NBAS: variants seen among roughly 807,000 people sequenced by gnomAD.
The protein encoded by NBAS is NBAS subunit of NRZ tethering complex.
A neutral mutation model predicts 302.5 loss-of-function variants in NBAS; 219 were observed. That is an observed-to-expected ratio of 0.72 (90% CI 0.65 to 0.81). The LOEUF is 0.81. Ranked by LOEUF, NBAS falls within the 30% of genes least tolerant of loss-of-function variation. The probability of loss-of-function intolerance (pLI) is 0.00; values close to 1 mark genes in which losing one functional copy is unlikely to be tolerated. For synonymous variants in NBAS, 1,118 were observed against 1,021.6 expected, an observed-to-expected ratio of 1.09 and a Z score of -1.80; for missense variants, 2,932 against 2,841.6, an observed-to-expected ratio of 1.03 and a Z score of -0.72.
intron 9 of NBAS, among the ~76,000 whole-genome samples, chr2:15,533,009 T>C (rs1448155492): frequency 1.3e-5 from 2 of 152,122 alleles, no homozygotes; most frequent in South Asian, 2.1e-4. Flanking sequence ...CGATAACATA[T>C]GAAAAGCTAC....
At chr2:15,097,135 A>G in the NBAS span, among the ~76,000 whole-genome samples, 16 of 152,260 alleles carry the variant, frequency 1.1e-4, no homozygotes, top group South Asian at 3.3e-3. Flanking sequence ...TGAGGTATTT[A>G]TGTAGCACCT....
intron 9 of NBAS, among the ~76,000 whole-genome samples, chr2:15,528,885 A>ATATATATATGCGTG (rs377463380): frequency 8.1e-6 from 1 of 123,212 alleles, no homozygotes; most frequent in Middle Eastern, 4.1e-3. Flanking sequence ...AAAAATATAT[A>ATATATATATGCGTG]TATATATATA....
Position 15,238,457 on chromosome 2 carries a change from CATTTCTT to C in NBAS, c.5943+4_5943+10del. On this transcript the variant is annotated splice_donor_5th_base_variant and intron_variant, in intron 45 of 51. Coordinates refer to ENST00000281513, the MANE Select transcript of NBAS (RefSeq NM_015909.4). ...TACAGAGTGAGCATATAGAAGTTCCCATTTCTTTACCTGCTCACTATTCTTCAGAGAA... is the reference window on the plus strand; with the variant it reads ...TACAGAGTGAGCATATAGAAGTTCCCTACCTGCTCACTATTCTTCAGAGAA... 2 of 1,611,916 alleles carry C rather than the reference CATTTCTT, an allele frequency of 1.2e-6. No homozygotes were observed. The highest frequency in any genetic ancestry group is 1.7e-6 in the Non-Finnish European group (2 of 1,178,080).
chr2:15,449,927 T>C (rs970784469), intron 21 of NBAS, among the ~76,000 whole-genome samples: 5 of 152,184 alleles, frequency 3.3e-5, no homozygotes, highest in Admixed American at 3.3e-4. Context: ...CACAGGGGAA[T>C]TGAATTTTGA....
chr2:15,072,979 T>C, the NBAS span, among the ~76,000 whole-genome samples: 1 of 151,616 alleles, frequency 6.6e-6, no homozygotes, highest in Non-Finnish European at 1.5e-5. Flanking sequence ...AATACAAAAA[T>C]CAGCCAGGCA....
At chr2:15,539,414 C>G in intron 6 of NBAS, 58 bp from the exon 7 acceptor site, 1 of 1,585,122 alleles carries the variant, frequency 6.3e-7, no homozygotes, top group Non-Finnish European at 8.7e-7. Flanking sequence ...ATAGTTAATG[C>G]TTTTAGTAAC....
intron 51 of NBAS, 110 bp downstream of exon 51, chr2:15,178,878 T>A: frequency 6.9e-7 from 1 of 1,455,230 alleles, no homozygotes. Flanking sequence ...ACTATAGATA[T>A]AGTAGTCTTC....
At chr2:15,224,770 C>A (rs765891566) in intron 47 of NBAS, among the ~76,000 whole-genome samples, 13 of 152,188 alleles carry the variant, frequency 8.5e-5, no homozygotes, top group Non-Finnish European at 1.5e-4. Flanking sequence ...GGGGTATATA[C>A]AAGCGAGCTA....
At chr2:14,957,015 C>G in the NBAS span, among the ~76,000 whole-genome samples, 1 of 152,042 alleles carries the variant, frequency 6.6e-6, no homozygotes, top group South Asian at 2.1e-4. Context: ...TGGTGGTGTC[C>G]TTATACAAAG....
chr2:15,324,018 T>C (rs1671950839), intron 38 of NBAS, among the ~76,000 whole-genome samples: 2 of 151,818 alleles, frequency 1.3e-5, no homozygotes, highest in Admixed American at 6.6e-5. Flanking sequence ...AGAGGTAAGT[T>C]TGAAAAAATT....
the NBAS span, among the ~76,000 whole-genome samples, chr2:14,804,005 C>G: frequency 6.6e-6 from 1 of 152,144 alleles, no homozygotes; most frequent in Non-Finnish European, 1.5e-5. Context: ...TGTAATTCTC[C>G]ATCTTGATCA....
At chr2:15,016,037 C>CAA in the NBAS span, among the ~76,000 whole-genome samples, 2 of 147,592 alleles carry the variant, frequency 1.4e-5, no homozygotes, top group Admixed American at 6.8e-5. Context: ...CAATAGCTAC[C>CAA]AAAAAAAAAA....
At chr2:15,520,832 C>T (rs1309499507) in intron 9 of NBAS, among the ~76,000 whole-genome samples, 1 of 152,120 alleles carries the variant, frequency 6.6e-6, no homozygotes, top group East Asian at 1.9e-4. Context: ...GCTTACTGGG[C>T]ATGGGAATCA....
chr2:15,332,942 T>C (rs1004246450), intron 35 of NBAS, among the ~76,000 whole-genome samples: 3 of 152,238 alleles, frequency 2.0e-5, no homozygotes, highest in Non-Finnish European at 4.4e-5. Flanking sequence ...TCAGTTTACA[T>C]ATCTCCTACT....
chr2:15,320,807 T>C (rs1487874768), intron 38 of NBAS, among the ~76,000 whole-genome samples: 4 of 152,092 alleles, frequency 2.6e-5, no homozygotes, highest in African/African-American at 9.7e-5. Flanking sequence ...ATAGTGAAAA[T>C]GGCCATACTG....
At chr2:15,074,656 TA>T in the NBAS span, among the ~76,000 whole-genome samples, 8 of 152,010 alleles carry the variant, frequency 5.3e-5, no homozygotes, top group South Asian at 1.5e-3. Context: ...ATAACTATAA[TA>T]GGGGAAAAAC....
intron 11 of NBAS, among the ~76,000 whole-genome samples, chr2:15,497,525 G>A (rs1681114706): frequency 6.6e-6 from 1 of 152,170 alleles, no homozygotes; most frequent in Non-Finnish European, 1.5e-5. Flanking sequence ...GATTACTGAG[G>A]CAATCAAGTC....
chr2:14,848,398 A>T, the NBAS span, among the ~76,000 whole-genome samples: 16 of 141,082 alleles, frequency 1.1e-4, no homozygotes, highest in South Asian at 1.7e-3. Flanking sequence ...CCACGAGACT[A>T]TATCCCACAC....
At chr2:15,140,288 C>CCAGACAA in the NBAS span, among the ~76,000 whole-genome samples, 2 of 152,314 alleles carry the variant, frequency 1.3e-5, no homozygotes, top group East Asian at 3.9e-4. Context: ...AGAAGAGGCT[C>CCAGACAA]CAGACAACAT....
Sources: gnomAD v4.1 joint callset for allele counts (sites outside exome capture counted in the v4.1 genomes callset) on GRCh38, gnomAD v4.1.1 for gene constraint, MANE v1.5 for transcripts, NCBI Gene and HGNC (gene_info 2026-07-23, HGNC 2026-07-21) for gene names.